The following FMN1 variants were observed in gnomAD, a reference collection of about 807,000 sequenced individuals.
FMN1 encodes formin-1.
Under a neutral mutation model 132.4 loss-of-function variants are expected in FMN1, and 110 were observed. The ratio of observed to expected loss-of-function variants is 0.83; its 90% CI spans 0.71 to 0.97. The LOEUF (loss-of-function observed/expected upper bound fraction) is 0.97. Ranked by LOEUF, FMN1 falls within the 50% of genes least tolerant of loss-of-function variation. The pLI is 0.00. For missense variants in FMN1, 1,792 were observed against 1,705.3 expected (o/e 1.05, Z -0.90); for synonymous variants, 722 against 651.7 (o/e 1.11, Z -1.64).
At chr15:32,957,001 T>C (rs1465990316) in intron 9 of FMN1, among the ~76,000 whole-genome samples, 2 of 152,098 alleles carry the variant, frequency 1.3e-5, no homozygotes, top group Admixed American at 1.3e-4. Flanking sequence ...ACCACAAAAT[T>C]TCAACAGACT....
intron 7 of FMN1, among the ~76,000 whole-genome samples, chr15:32,982,404 C>A (rs996543754): frequency 5.3e-5 from 8 of 152,132 alleles, no homozygotes; most frequent in Non-Finnish European, 8.8e-5. Flanking sequence ...ACTATCGATC[C>A]CACTCCTACA....
At chr15:32,971,044 C>T (rs770797719) in intron 7 of FMN1, among the ~76,000 whole-genome samples, 2 of 152,182 alleles carry the variant, frequency 1.3e-5, no homozygotes, top group African/African-American at 4.8e-5. Flanking sequence ...ACCTGGTTCA[C>T]GTCTTGGCTT....
At chr15:32,997,223 C>T (rs971925651) in intron 7 of FMN1, among the ~76,000 whole-genome samples, 3 of 152,010 alleles carry the variant, frequency 2.0e-5, no homozygotes, top group African/African-American at 7.3e-5. Context: ...TCTTCCGTAC[C>T]TCAGTAGAGA....
At chr15:32,965,645 T>A (rs977713301) in intron 8 of FMN1, among the ~76,000 whole-genome samples, 1 of 152,212 alleles carries the variant, frequency 6.6e-6, no homozygotes, top group East Asian at 1.9e-4. Context: ...TCCTCAGGTC[T>A]GCGTGTTCAC....
chr15:33,172,968 C>G (rs1244661820), intron 3 of FMN1, among the ~76,000 whole-genome samples: 1 of 152,114 alleles, frequency 6.6e-6, no homozygotes, highest in Non-Finnish European at 1.5e-5. Context: ...AGAAAGCATG[C>G]AGTAAGCACA....
At chr15:32,785,218 A>ATATATATATATTTTTT (rs1444523400) in intron 19 of FMN1, among the ~76,000 whole-genome samples, 1 of 39,202 alleles carries the variant, frequency 2.6e-5, no homozygotes, top group Non-Finnish European at 4.5e-5. Flanking sequence ...ATATATATAT[A>ATATATATATATTTTTT]TTTTTTTTTT....
chr15:32,848,972 CTTTTG>C (rs1567266988), intron 17 of FMN1, among the ~76,000 whole-genome samples: 1 of 68,628 alleles, frequency 1.5e-5, no homozygotes, highest in African/African-American at 5.5e-5. Context: ...GGTTAGTTCT[CTTTTG>C]TTTTTTTTTT....
chr15:32,911,824 A>G (rs2060568112), intron 10 of FMN1, among the ~76,000 whole-genome samples: 1 of 152,194 alleles, frequency 6.6e-6, no homozygotes, highest in African/African-American at 2.4e-5. Flanking sequence ...ACACATCCAC[A>G]AAGGCCAATG....
intron 19 of FMN1, among the ~76,000 whole-genome samples, chr15:32,790,929 T>A (rs902043817): frequency 6.6e-6 from 1 of 152,216 alleles, no homozygotes; most frequent in Non-Finnish European, 1.5e-5. Flanking sequence ...GAAAATGCTG[T>A]CAGAGCCCAC....
rs2056210826 is a variant in FMN1, at chr15:32,770,840, A to AT, written c.*3469dup. ...ACTTCTCAGATTTCAGAAAATCTTT[A>AT]TAATTCCTGAGTAGTTGCAGTGAGT... On this transcript the variant is annotated 3_prime_UTR_variant, in exon 21 of 21. Transcript: ENST00000616417. 1 of 150,894 alleles carries AT rather than the reference A, an allele frequency of 6.6e-6. No individual in the cohort carries two copies. Among genetic ancestry groups the AT allele is most frequent in the Non-Finnish European group, 1.5e-5 (1 of 67,710 alleles). The allele number at this position is 150,894 out of a possible 1,614,324, so 9.3% of individuals were successfully genotyped here.
intron 13 of FMN1, 119 bp downstream of exon 13, chr15:32,901,792 T>C (rs2060302902): frequency 2.7e-6 from 2 of 732,496 alleles, no homozygotes; most frequent in Non-Finnish European, 4.0e-6. Context: ...AATTTACACT[T>C]AGAAAAACAT....
At chr15:32,805,279 T>TGA (rs1882003334) in intron 17 of FMN1, among the ~76,000 whole-genome samples, 1 of 152,232 alleles carries the variant, frequency 6.6e-6, no homozygotes, top group South Asian at 2.1e-4. Context: ...CATTTTTTCA[T>TGA]GTGTCTATTG....
chr15:32,840,419 T>C (rs1169474190), intron 17 of FMN1, among the ~76,000 whole-genome samples: 1 of 152,184 alleles, frequency 6.6e-6, no homozygotes, highest in Admixed American at 6.5e-5. Flanking sequence ...ACTAGAAGAT[T>C]GTAATCACCC....
intron 19 of FMN1, among the ~76,000 whole-genome samples, chr15:32,785,190 GTGTGTGTGTGTATA>G (rs2056820513): frequency 4.0e-5 from 1 of 25,216 alleles, no homozygotes; most frequent in African/African-American, 1.3e-4. Context: ...GTGTGTGTGT[GTGTGTGTGTGTATA>G]TATATATATA....
chr15:33,110,829 T>G (rs114449453), intron 4 of FMN1, among the ~76,000 whole-genome samples: 2 of 152,140 alleles, frequency 1.3e-5, no homozygotes, highest in African/African-American at 4.8e-5. Flanking sequence ...TCAGTATTTT[T>G]AGTCCATTAA....
rs34119363 is a variant in FMN1, at chr15:33,046,748, GTCTC to G, written c.2161+18205_2161+18208del. 7.2e-3 allele frequency among the ~76,000 whole-genome samples: 1,094 copies of G among 151,902 alleles called. 10 individuals are homozygous for G. The highest frequency in any genetic ancestry group is 0.025 in the African/African-American group (1,017 of 41,438). ...GAATTTCTTACAAGTCAGACTTCTG[GTCTC>G]TCTCTCTGTGCAAACTGGTTGAATG... On this transcript the variant is annotated intron_variant, in intron 6 of 20. Transcript: ENST00000616417.
At chr15:32,824,479 G>T (rs1344057574) in intron 17 of FMN1, among the ~76,000 whole-genome samples, 1 of 152,132 alleles carries the variant, frequency 6.6e-6, no homozygotes, top group Non-Finnish European at 1.5e-5. Context: ...GTCAGGTAGG[G>T]TCATGTTCAA....
At chr15:33,163,139 T>C (rs755737517) in intron 3 of FMN1, among the ~76,000 whole-genome samples, 1 of 151,966 alleles carries the variant, frequency 6.6e-6, no homozygotes, top group Admixed American at 6.6e-5. Context: ...AAAAAAGATA[T>C]GTTACAGACA....
At chr15:32,783,318 G>A (rs2056732245) in intron 19 of FMN1, among the ~76,000 whole-genome samples, 1 of 152,228 alleles carries the variant, frequency 6.6e-6, no homozygotes, top group South Asian at 2.1e-4. Flanking sequence ...TCATGCATAT[G>A]CTCCCTAAGG....
Sources: allele counts gnomAD v4.1 joint callset (sites outside exome capture counted in the v4.1 genomes callset), GRCh38; gene constraint gnomAD v4.1.1; transcripts MANE v1.5; gene names NCBI Gene and HGNC (gene_info 2026-07-23, HGNC 2026-07-21).